ADGRL3: variants seen among roughly 807,000 people sequenced by gnomAD.
The protein encoded by ADGRL3 is calcium-independent alpha-latrotoxin receptor 3.
A neutral mutation model predicts 153.5 loss-of-function variants in ADGRL3; 62 were observed. That is an observed-to-expected ratio of 0.40 (90% confidence interval 0.33 to 0.50). ADGRL3 has a LOEUF of 0.50. Ranked by LOEUF, ADGRL3 falls within the 20% of genes least tolerant of loss-of-function variation. The pLI is 0.47. For missense variants in ADGRL3, 1,641 were observed against 1,859.4 expected (o/e 0.88, Z 2.16); for synonymous variants, 710 against 672.5 (o/e 1.06, Z -0.86).
At chr4:61,992,767 T>G (rs997310803) in intron 19 of ADGRL3, among the ~76,000 whole-genome samples, 3 of 152,310 alleles carry the variant, frequency 2.0e-5, no homozygotes, top group African/African-American at 7.2e-5. Flanking sequence ...TCCTTTACAT[T>G]TAGAAAAGAT....
chr4:62,053,933 T>C (rs1208029334), intron 25 of ADGRL3, among the ~76,000 whole-genome samples: 1 of 151,596 alleles, frequency 6.6e-6, no homozygotes, highest in Non-Finnish European at 1.5e-5. Flanking sequence ...TCTTTATTAA[T>C]AATATGTTCA....
chr4:62,053,025 C>A (rs1159873977), intron 25 of ADGRL3, among the ~76,000 whole-genome samples: 6 of 151,372 alleles, frequency 4.0e-5, no homozygotes, highest in African/African-American at 1.5e-4. Context: ...CTGTGTCTCT[C>A]ATCTGGAAAA....
chr4:61,796,010 T>C (rs976019406), intron 8 of ADGRL3, among the ~76,000 whole-genome samples: 2 of 152,106 alleles, frequency 1.3e-5, no homozygotes, highest in African/African-American at 4.8e-5. Context: ...ACCCAGCTAA[T>C]TTTTGTATCT....
rs147036288 is a variant in ADGRL3, at chr4:61,346,999, A to G, written c.-239-36125A>G. On this transcript the variant is annotated intron_variant, in intron 1 of 26. Coordinates refer to ENST00000683033, the MANE Select transcript of ADGRL3 (RefSeq NM_001387552.1). Reference sequence around the variant, plus strand: ...GGAAGAGAGTACTAGAGGGGGCATGATACCTTTGCTTAGATGTTAGCAAAT... The same window carrying G: ...GGAAGAGAGTACTAGAGGGGGCATGGTACCTTTGCTTAGATGTTAGCAAAT... Among the ~76,000 whole-genome samples, 476 of 152,172 alleles carry G rather than the reference A, an allele frequency of 3.1e-3. 2 individuals are homozygous for G. Among genetic ancestry groups the G allele is most frequent in the African/African-American group, 0.011 (455 of 41,536 alleles).
intron 5 of ADGRL3, among the ~76,000 whole-genome samples, chr4:61,628,771 C>A (rs1229164269): frequency 6.6e-6 from 1 of 152,102 alleles, no homozygotes; most frequent in Non-Finnish European, 1.5e-5. Context: ...AACTGCTTTG[C>A]CGAAATTCAA....
intron 4 of ADGRL3, among the ~76,000 whole-genome samples, chr4:61,546,819 A>G (rs1021513910): frequency 6.6e-6 from 1 of 152,218 alleles, no homozygotes; most frequent in Non-Finnish European, 1.5e-5. Context: ...ATAGTCCAGT[A>G]TTTGGAAACT....
chr4:61,656,389 C>T (rs2094444513), intron 5 of ADGRL3, among the ~76,000 whole-genome samples: 1 of 151,866 alleles, frequency 6.6e-6, no homozygotes, highest in African/African-American at 2.4e-5. Flanking sequence ...ACAAAAGCCA[C>T]ATTCTGTGAG....
At chr4:62,012,800 C>A (rs1581881994) in intron 21 of ADGRL3, among the ~76,000 whole-genome samples, 2 of 152,060 alleles carry the variant, frequency 1.3e-5, no homozygotes, top group Admixed American at 1.3e-4. Context: ...ATCTGGCCAG[C>A]AGAATGCAAT....
In ADGRL3 at chr4:61,992,714, T is replaced by C. The variant is rs898561344; in HGVS notation, c.3237-3577T>C. Among the ~76,000 whole-genome samples the C allele has an allele frequency of 9.8e-5, 15 of 152,312 alleles. No homozygotes were observed. The East Asian group carries it at 2.9e-3, about 29-fold the overall frequency. ...GTAAATCCATTTTACCAAATAGATA[T>C]AAAATTTTTTCTCAAAGAATAAAAA... is the stretch of plus-strand genomic sequence containing the variant. On this transcript the variant is annotated intron_variant, in intron 19 of 26. Transcript: ENST00000683033.
chr4:61,817,307 G>T (rs1207220304), intron 9 of ADGRL3, among the ~76,000 whole-genome samples: 1 of 152,230 alleles, frequency 6.6e-6, no homozygotes, highest in African/African-American at 2.4e-5. Flanking sequence ...TGGGCTGCCA[G>T]TTCTGGATGG....
At chr4:61,751,833 A>C (rs2096760840) in intron 8 of ADGRL3, among the ~76,000 whole-genome samples, 1 of 152,180 alleles carries the variant, frequency 6.6e-6, no homozygotes, top group Non-Finnish European at 1.5e-5. Context: ...CAGGATTGAC[A>C]AAATGGTGGA....
intron 2 of ADGRL3, among the ~76,000 whole-genome samples, chr4:61,421,788 A>G (rs2152340291): frequency 6.6e-6 from 1 of 152,312 alleles, no homozygotes; most frequent in South Asian, 2.1e-4. Context: ...CTATGGATAC[A>G]ATTGATGCCC....
intron 1 of ADGRL3, among the ~76,000 whole-genome samples, chr4:61,225,111 C>G (rs1747347324): frequency 6.6e-6 from 1 of 152,154 alleles, no homozygotes; most frequent in African/African-American, 2.4e-5. Context: ...TATAAATCAG[C>G]TTTGTCATTT....
chr4:61,588,833 T>C (rs994055687), intron 5 of ADGRL3, among the ~76,000 whole-genome samples: 2 of 152,132 alleles, frequency 1.3e-5, no homozygotes, highest in Admixed American at 6.6e-5. Context: ...GTGGGCACTA[T>C]GACTAAACTG....
chr4:61,738,032 G>A (rs948090845), intron 8 of ADGRL3, among the ~76,000 whole-genome samples: 2 of 151,666 alleles, frequency 1.3e-5, no homozygotes, highest in Non-Finnish European at 1.5e-5. Context: ...CCCATCACTC[G>A]AGCATTATAC....
At chr4:61,639,026 C>G (rs2093551685) in intron 5 of ADGRL3, among the ~76,000 whole-genome samples, 1 of 152,030 alleles carries the variant, frequency 6.6e-6, no homozygotes. Context: ...CTAAGCCAGT[C>G]AGACTGTACT....
chr4:61,200,885 G>T lies in ADGRL3; in HGVS notation c.-1120G>T, dbSNP rs1577832329. ...CGGCGAGCTAATCATCCACCCCACG[G>T]GCTCGGGGTTCGCCGGCCCCCGGGA... On this transcript the variant is annotated 5_prime_UTR_variant, in exon 1 of 27. Coordinates refer to ENST00000683033, the MANE Select transcript of ADGRL3 (RefSeq NM_001387552.1). 6.6e-6 allele frequency among the ~76,000 whole-genome samples: 1 copy of T among 151,874 alleles called. No individual in the cohort carries two copies. The highest frequency in any genetic ancestry group is 2.0e-4 in the East Asian group (1 of 5,020).
intron 21 of ADGRL3, among the ~76,000 whole-genome samples, chr4:62,017,445 T>A (rs757588452): frequency 6.6e-6 from 1 of 151,750 alleles, no homozygotes; most frequent in Non-Finnish European, 1.5e-5. Flanking sequence ...TGGGAGTTTT[T>A]TTTTTTTAGA....
intron 2 of ADGRL3, among the ~76,000 whole-genome samples, chr4:61,419,993 A>G (rs1056974055): frequency 6.6e-6 from 1 of 151,718 alleles, no homozygotes. Context: ...GTAGAGACGG[A>G]GTTTCACCAT....
Sources: allele counts gnomAD v4.1 joint callset (sites outside exome capture counted in the v4.1 genomes callset), GRCh38; gene constraint gnomAD v4.1.1; transcripts MANE v1.5; gene names NCBI Gene and HGNC (gene_info 2026-07-23, HGNC 2026-07-21).